Variants in SDK1 observed in about 807,000 individuals in gnomAD.
SDK1 encodes sidekick cell adhesion molecule 1.
Under a neutral mutation model 245.5 loss-of-function variants are expected in SDK1, and 157 were observed. The ratio of observed to expected loss-of-function variants is 0.64; its 90% CI spans 0.56 to 0.73. The LOEUF is 0.73. Among genes scored for constraint, SDK1 ranks in the 30% least tolerant of loss-of-function variants. SDK1 has a pLI of 0.00. For synonymous variants in SDK1, 1,647 were observed against 1,278.5 expected, an observed-to-expected ratio of 1.29 and a Z score of -6.15; for missense variants, 3,583 against 3,002.3, an observed-to-expected ratio of 1.19 and a Z score of -4.52.
intron 4 of SDK1, among the ~76,000 whole-genome samples, chr7:3,794,953 A>T (rs772966745): frequency 2.0e-5 from 3 of 151,976 alleles, no homozygotes; most frequent in African/African-American, 7.3e-5. Context: ...AAAGATCACT[A>T]TTCATGTTGT....
chr7:3,524,172 C>T (rs73035954), intron 1 of SDK1, among the ~76,000 whole-genome samples: 39,382 of 152,032 alleles, frequency 0.26, 5,359 homozygotes, highest in South Asian at 0.36. Context: ...AAGAAACACC[C>T]GCATTAATTG....
At chr7:3,364,470 G>C (rs2128561472) in intron 1 of SDK1, among the ~76,000 whole-genome samples, 1 of 152,242 alleles carries the variant, frequency 6.6e-6, no homozygotes, top group East Asian at 1.9e-4. Flanking sequence ...GTATATGGTT[G>C]AGGTTCTTTT....
intron 41 of SDK1, among the ~76,000 whole-genome samples, chr7:4,234,905 G>A (rs1290449950): frequency 1.3e-5 from 2 of 152,174 alleles, no homozygotes; most frequent in Non-Finnish European, 2.9e-5. Flanking sequence ...CCCCAGGTAG[G>A]GCCAGCTCTG....
At chr7:3,841,043 C>T (rs906311499) in intron 5 of SDK1, among the ~76,000 whole-genome samples, 2 of 152,144 alleles carry the variant, frequency 1.3e-5, no homozygotes, top group East Asian at 1.9e-4. Context: ...TGATGAGCTC[C>T]CTCATCACAG....
At chr7:3,336,352 C>G (rs1404278973) in intron 1 of SDK1, among the ~76,000 whole-genome samples, 1 of 152,162 alleles carries the variant, frequency 6.6e-6, no homozygotes, top group African/African-American at 2.4e-5. Context: ...TAGTGGGGAG[C>G]TGATCTTCCA....
rs931045318 is a variant in SDK1 at position 3,496,475 on chromosome 7, A to G, written c.299-122605A>G. ...GTTTTTAACTTTTTTTTTTTTTAGCATTACTGAAAGAAGTTGTATGTACTT... is the reference window on the plus strand; with the variant it reads ...GTTTTTAACTTTTTTTTTTTTTAGCGTTACTGAAAGAAGTTGTATGTACTT... On this transcript the variant is annotated intron_variant, in intron 1 of 44. Coordinates refer to ENST00000404826, the MANE Select transcript of SDK1 (RefSeq NM_152744.4). 2.0e-5 allele frequency among the ~76,000 whole-genome samples: 3 copies of G among 149,370 alleles called. No individual in the cohort carries two copies. The South Asian group carries it at 6.4e-4, about 32-fold the overall frequency.
At chr7:3,847,687 C>T (rs935867483) in intron 5 of SDK1, among the ~76,000 whole-genome samples, 6 of 152,222 alleles carry the variant, frequency 3.9e-5, no homozygotes, top group Non-Finnish European at 8.8e-5. Flanking sequence ...TGTCCCCTTG[C>T]ACATTTTAAA....
chr7:4,081,271 C>G (rs754786708), intron 22 of SDK1, among the ~76,000 whole-genome samples: 5 of 152,158 alleles, frequency 3.3e-5, no homozygotes, highest in Admixed American at 6.5e-5. Context: ...TTGCCCAGAA[C>G]TTGGGCAACG....
intron 7 of SDK1, among the ~76,000 whole-genome samples, chr7:3,952,755 G>C (rs1439100531): frequency 1.3e-5 from 2 of 151,948 alleles, no homozygotes. Flanking sequence ...CCTGAACCAA[G>C]GAGAAAGAAC....
chr7:4,210,421 C>G (rs1784453145), intron 38 of SDK1, among the ~76,000 whole-genome samples: 1 of 152,222 alleles, frequency 6.6e-6, no homozygotes, highest in South Asian at 2.1e-4. Context: ...CACTCTCCCT[C>G]TGAAGCCGTG....
intron 1 of SDK1, among the ~76,000 whole-genome samples, chr7:3,334,527 G>A (rs1780150409): frequency 6.6e-6 from 1 of 152,110 alleles, no homozygotes; most frequent in African/African-American, 2.4e-5. Context: ...TGAGGCTCTC[G>A]GAGGTGGATC....
chr7:4,041,573 C>T (rs188337145), intron 17 of SDK1, among the ~76,000 whole-genome samples: 15 of 152,188 alleles, frequency 9.9e-5, no homozygotes, highest in African/African-American at 3.4e-4. Flanking sequence ...AGTTTCCTTG[C>T]CCTCAAAACC....
intron 4 of SDK1, among the ~76,000 whole-genome samples, chr7:3,680,098 C>A (rs752942866): frequency 6.6e-6 from 1 of 152,062 alleles, no homozygotes; most frequent in Non-Finnish European, 1.5e-5. Flanking sequence ...GAATCCTTTG[C>A]GGCAATAAAA....
At chr7:3,693,812 C>G (rs770721702) in intron 4 of SDK1, among the ~76,000 whole-genome samples, 1 of 152,114 alleles carries the variant, frequency 6.6e-6, no homozygotes, top group Non-Finnish European at 1.5e-5. Flanking sequence ...TCTCTGCTAT[C>G]CCCTAGCTAT....
intron 1 of SDK1, among the ~76,000 whole-genome samples, chr7:3,579,289 C>A (rs1220403985): frequency 6.6e-6 from 1 of 152,118 alleles, no homozygotes; most frequent in African/African-American, 2.4e-5. Context: ...CAACAAAATA[C>A]CTGCAAACCA....
At chr7:3,559,182 C>G (rs531430405) in intron 1 of SDK1, among the ~76,000 whole-genome samples, 1 of 152,136 alleles carries the variant, frequency 6.6e-6, no homozygotes, top group Non-Finnish European at 1.5e-5. Context: ...TACATATATA[C>G]TTGAAAATAA....
intron 42 of SDK1, among the ~76,000 whole-genome samples, chr7:4,240,566 A>AGG (rs909674194): frequency 2.2e-4 from 33 of 152,226 alleles, no homozygotes; most frequent in African/African-American, 7.9e-4. Flanking sequence ...AGCACGTCAA[A>AGG]GGGGGGCCAG....
At chr7:3,734,567 T>C (rs544503799) in intron 4 of SDK1, among the ~76,000 whole-genome samples, 19 of 152,374 alleles carry the variant, frequency 1.2e-4, no homozygotes, top group African/African-American at 4.6e-4. Context: ...AAGTTCAAGA[T>C]ACTATCTAAG....
intron 1 of SDK1, among the ~76,000 whole-genome samples, chr7:3,604,267 C>G (rs1017328216): frequency 1.3e-5 from 2 of 152,152 alleles, no homozygotes; most frequent in Non-Finnish European, 2.9e-5. Context: ...GGTACCAGCT[C>G]CTCTTTGTAC....
Sources: gnomAD v4.1 joint callset for allele counts (sites outside exome capture counted in the v4.1 genomes callset) on GRCh38, gnomAD v4.1.1 for gene constraint, MANE v1.5 for transcripts, NCBI Gene and HGNC (gene_info 2026-07-23, HGNC 2026-07-21) for gene names.